FOXRED2: variants seen among roughly 807,000 people sequenced by gnomAD.
FOXRED2 encodes FAD dependent oxidoreductase domain containing 2.
A neutral mutation model predicts 52.5 loss-of-function variants in FOXRED2; 32 were observed. The observed-to-expected ratio is 0.61, with a 90% confidence interval of 0.46 to 0.82. The LOEUF (loss-of-function observed/expected upper bound fraction) is 0.82. Among genes scored for constraint, FOXRED2 ranks in the 40% least tolerant of loss-of-function variants. The pLI is 0.00. For missense variants in FOXRED2, 848 were observed against 937.5 expected, an observed-to-expected ratio of 0.90 and a Z score of 1.25; for synonymous variants, 405 against 398.1, an observed-to-expected ratio of 1.02 and a Z score of -0.21.
intron 7 of FOXRED2, among the ~76,000 whole-genome samples, chr22:36,495,707 C>T (rs754040190): frequency 1.3e-5 from 2 of 152,240 alleles, no homozygotes; most frequent in African/African-American, 2.4e-5. Flanking sequence ...GCAGCAGGGC[C>T]GTGTCCCTCT....
At chr22:36,498,442 C>G (rs1463293946) in intron 5 of FOXRED2, 3 of 343,298 alleles carry the variant, frequency 8.7e-6, no homozygotes, top group East Asian at 9.7e-5. Flanking sequence ...AGTGTAAAAG[C>G]GGCCAAGACA....
intron 1 of FOXRED2, 153 bp from the exon 2 acceptor site, chr22:36,506,576 C>T: frequency 2.8e-6 from 2 of 703,168 alleles, no homozygotes; most frequent in Non-Finnish European, 4.3e-6. Context: ...GCCCGGACTC[C>T]ACCGTTTCAA....
chr22:36,501,419 A>C lies in FOXRED2; in HGVS notation c.1050-12T>G. 1.9e-6 allele frequency: 3 copies of C among 1,613,562 alleles called. No homozygotes were observed. Among genetic ancestry groups the C allele is most frequent in the Non-Finnish European group, 8.5e-7 (1 of 1,179,538 alleles). ...TAAGTCTGAGGGACCTGTCAGTGGAAAGGGCTGTTCATGAAAATAGCTGCT... is the reference window on the plus strand; with the variant it reads ...TAAGTCTGAGGGACCTGTCAGTGGACAGGGCTGTTCATGAAAATAGCTGCT... On this transcript the variant is annotated splice_polypyrimidine_tract_variant and intron_variant, in intron 4 of 8. Coordinates refer to ENST00000397224, the MANE Select transcript of FOXRED2 (RefSeq NM_001102371.2).
Position 36,490,187 on chromosome 22 carries a change from C to T in FOXRED2, c.1876G>A (p.Val626Met), listed in dbSNP as rs574199259. Residue 626 changes from valine (V) to methionine (M), a missense_variant, in exon 9 of 9, where the codon GTG (valine) becomes ATG (methionine). Coordinates refer to ENST00000397224, the MANE Select transcript of FOXRED2 (RefSeq NM_001102371.2). ...QQGYLRMQGLVSTESLWQHRV... is the reference protein window; with the variant it reads ...QQGYLRMQGLMSTESLWQHRV... ...TGCTGCCAAAGGCTCTCGGTACTCA[C>T]GAGTCCCTGCATCCTCAGGTACCCC... is the stretch of plus-strand genomic sequence containing the variant. 20 of 1,614,072 alleles carry T rather than the reference C, an allele frequency of 1.2e-5. No homozygotes were observed. Among genetic ancestry groups the T allele is most frequent in the East Asian group, 4.5e-5 (2 of 44,886 alleles).
chr22:36,494,555 G>A (rs1933843353), intron 7 of FOXRED2, among the ~76,000 whole-genome samples: 1 of 152,236 alleles, frequency 6.6e-6, no homozygotes, highest in African/African-American at 2.4e-5. Flanking sequence ...TGGCCATCGA[G>A]TCAAGACTTG....
At chr22:36,506,486 A>T in intron 1 of FOXRED2, 63 bp from the exon 2 acceptor site, 1 of 1,387,154 alleles carries the variant, frequency 7.2e-7, no homozygotes, top group Non-Finnish European at 9.4e-7. Context: ...CACGAGGCCC[A>T]GAAAGAGGCG....
chr22:36,495,332 G>A (rs181154952), intron 7 of FOXRED2, among the ~76,000 whole-genome samples: 2 of 152,034 alleles, frequency 1.3e-5, no homozygotes, highest in East Asian at 1.9e-4. Context: ...TCTGCCTTTG[G>A]GAACAACCCC....
At chr22:36,494,941 T>C (rs1432639245) in intron 7 of FOXRED2, among the ~76,000 whole-genome samples, 1 of 149,904 alleles carries the variant, frequency 6.7e-6, no homozygotes, top group African/African-American at 2.5e-5. Flanking sequence ...CCGGCCTTTT[T>C]GTTTGTTTGT....
chr22:36,494,548 C>T, intron 7 of FOXRED2, among the ~76,000 whole-genome samples: 1 of 152,206 alleles, frequency 6.6e-6, no homozygotes, highest in South Asian at 2.1e-4. Flanking sequence ...AGTCAGATGG[C>T]CATCGAGTCA....
chr22:36,490,464 C>T (rs1197103276), intron 8 of FOXRED2, among the ~76,000 whole-genome samples, 197 bp from the exon 9 acceptor site: 2 of 152,228 alleles, frequency 1.3e-5, no homozygotes, highest in Non-Finnish European at 2.9e-5. Context: ...TGACCCTCCA[C>T]GAGGCTCCAG....
At chr22:36,505,604 A>G (rs540267519) in intron 2 of FOXRED2, among the ~76,000 whole-genome samples, 7 of 152,094 alleles carry the variant, frequency 4.6e-5, no homozygotes, top group African/African-American at 1.7e-4. Flanking sequence ...TCTCATCTCC[A>G]CCAAAAATAT....
At chr22:36,494,464 AG>A (rs1376416475) in intron 7 of FOXRED2, among the ~76,000 whole-genome samples, 1 of 151,890 alleles carries the variant, frequency 6.6e-6, no homozygotes, top group Non-Finnish European at 1.5e-5. Flanking sequence ...GAGAAGACTC[AG>A]ATAGAGGCGA....
At chr22:36,499,188 T>C (rs1933980805) in intron 5 of FOXRED2, among the ~76,000 whole-genome samples, 1 of 152,202 alleles carries the variant, frequency 6.6e-6, no homozygotes, top group African/African-American at 2.4e-5. Flanking sequence ...CCCAAAATGC[T>C]GGGATTATAG....
intron 5 of FOXRED2, among the ~76,000 whole-genome samples, chr22:36,499,848 C>T (rs1026806884): frequency 4.6e-5 from 7 of 151,862 alleles, no homozygotes; most frequent in South Asian, 4.1e-4. Flanking sequence ...TTTGCCCAGG[C>T]TGGAGTGCAA....
chr22:36,493,451 A>G (rs1417397998), intron 8 of FOXRED2, among the ~76,000 whole-genome samples, 182 bp downstream of exon 8: 2 of 151,822 alleles, frequency 1.3e-5, no homozygotes, highest in East Asian at 1.9e-4. Context: ...AAAAAAAAAA[A>G]AGAAGACATA....
Sources: allele counts gnomAD v4.1 joint callset (sites outside exome capture counted in the v4.1 genomes callset), GRCh38; gene constraint gnomAD v4.1.1; transcripts MANE v1.5; gene names NCBI Gene and HGNC (gene_info 2026-07-23, HGNC 2026-07-21).